Variants in DACH2 observed in about 807,000 individuals in gnomAD.
The protein encoded by DACH2 is dachshund homolog 2.
DACH2 carries 17 observed loss-of-function variants against 35.8 expected under a neutral mutation model. The ratio of observed to expected loss-of-function variants is 0.48; its 90% CI spans 0.33 to 0.71. The LOEUF (loss-of-function observed/expected upper bound fraction) is 0.71. Among genes scored for constraint, DACH2 ranks in the 30% least tolerant of loss-of-function variants. The probability of loss-of-function intolerance (pLI) is 0.02; values close to 1 mark genes in which losing one functional copy is unlikely to be tolerated. For missense variants in DACH2, 469 were observed against 472.7 expected, an observed-to-expected ratio of 0.99 and a Z score of 0.07; for synonymous variants, 195 against 177.3, an observed-to-expected ratio of 1.10 and a Z score of -0.79.
intron 1 of DACH2, among the ~76,000 whole-genome samples, chrX:86,225,644 G>C (rs963015328): frequency 9.0e-6 from 1 of 111,008 alleles, no homozygotes; most frequent in Non-Finnish European, 1.9e-5. Flanking sequence ...AAGGGAGAGG[G>C]AGGGAGTGTT....
intron 2 of DACH2, among the ~76,000 whole-genome samples, chrX:86,395,400 A>C (rs964859373): frequency 3.6e-5 from 4 of 110,632 alleles, no homozygotes; most frequent in Non-Finnish European, 7.6e-5. Flanking sequence ...TTTTATTATT[A>C]TTATACTTTA....
chrX:86,257,058 T>C (rs2033534163), intron 1 of DACH2, among the ~76,000 whole-genome samples: 1 of 111,999 alleles, frequency 8.9e-6, no homozygotes, highest in Non-Finnish European at 1.9e-5. Flanking sequence ...TTTTTTTCAC[T>C]TAACATTGTA....
intron 3 of DACH2, among the ~76,000 whole-genome samples, chrX:86,617,770 A>C (rs1191297532): frequency 8.9e-6 from 1 of 112,014 alleles, no homozygotes; most frequent in Non-Finnish European, 1.9e-5. Context: ...TTTTAAATCC[A>C]ATTTTGAGCA....
intron 2 of DACH2, among the ~76,000 whole-genome samples, chrX:86,418,000 C>A (rs999734710): frequency 9.0e-6 from 1 of 111,580 alleles, no homozygotes. Flanking sequence ...GGACTCTAGG[C>A]TCCATGCAAG....
rs35508189 is a variant in DACH2, at chrX:86,575,527, CT to C, written c.640+61141del. ...ATGAATTTTATGTGGTGCTCCTAAC[CT>C]TTTTAAAAATTCTCTGGAACTCCAT... On this transcript the variant is annotated intron_variant, in intron 3 of 11. Coordinates refer to ENST00000373125, the MANE Select transcript of DACH2 (RefSeq NM_053281.3). 1.3e-3 allele frequency among the ~76,000 whole-genome samples: 150 copies of C among 111,595 alleles called. 1 individual carries two copies. The highest frequency in any genetic ancestry group is 4.5e-3 in the African/African-American group (140 of 30,824).
chrX:86,168,322 G>A (rs2031011049), intron 1 of DACH2, among the ~76,000 whole-genome samples: 1 of 110,981 alleles, frequency 9.0e-6, no homozygotes, highest in Admixed American at 9.6e-5. Flanking sequence ...ATTTTGTCTT[G>A]AGATTTATTT....
At chrX:86,433,126 A>AGTT (rs2037011723) in intron 2 of DACH2, among the ~76,000 whole-genome samples, 2 of 111,988 alleles carry the variant, frequency 1.8e-5, no homozygotes, top group Non-Finnish European at 3.8e-5. Context: ...ATAATTAAAG[A>AGTT]GTTTAGTTTT....
intron 2 of DACH2, among the ~76,000 whole-genome samples, chrX:86,409,285 C>A (rs2036572989): frequency 9.0e-6 from 1 of 111,292 alleles, no homozygotes; most frequent in South Asian, 3.8e-4. Flanking sequence ...AGTGACGATC[C>A]ATAAGTAAAG....
intron 1 of DACH2, among the ~76,000 whole-genome samples, chrX:86,198,311 T>C (rs897656654): frequency 3.6e-5 from 4 of 111,528 alleles, no homozygotes; most frequent in African/African-American, 3.3e-5. Flanking sequence ...ATCAAAAAGT[T>C]AGAAAGATCT....
chrX:86,778,902 C>T (rs977063659), intron 7 of DACH2, among the ~76,000 whole-genome samples: 4 of 111,613 alleles, frequency 3.6e-5, no homozygotes, highest in African/African-American at 1.3e-4. Context: ...CACCATGCCT[C>T]GCCAATATTT....
intron 2 of DACH2, among the ~76,000 whole-genome samples, chrX:86,384,548 T>C (rs962880716): frequency 3.6e-5 from 4 of 112,276 alleles, no homozygotes; most frequent in African/African-American, 1.3e-4. Flanking sequence ...CACTGAGTTT[T>C]CAATACAAAG....
chrX:86,583,571 A>G (rs745687558), intron 3 of DACH2, among the ~76,000 whole-genome samples: 3 of 108,831 alleles, frequency 2.8e-5, no homozygotes, highest in Non-Finnish European at 3.8e-5. Context: ...TTATTATTAT[A>G]CTTTAAGTTT....
chrX:86,320,458 G>A (rs1479793873), intron 1 of DACH2, among the ~76,000 whole-genome samples: 1 of 112,022 alleles, frequency 8.9e-6, no homozygotes, highest in African/African-American at 3.2e-5. Flanking sequence ...AAAGTGGCTG[G>A]GCTCAGGCAA....
At chrX:86,297,656 C>T (rs1412771874) in intron 1 of DACH2, among the ~76,000 whole-genome samples, 1 of 111,966 alleles carries the variant, frequency 8.9e-6, no homozygotes, top group African/African-American at 3.2e-5. Context: ...TGATAACGCT[C>T]AATGGTCACA....
chrX:86,392,396 TAAAG>T lies in DACH2; in HGVS notation c.527+15539_527+15542del, dbSNP rs1037761278. ...CATAAAATAATCCCAAAGTACTAAA[TAAAG>T]AAAGGGTGATATTGTATGATATATA... On this transcript the variant is annotated intron_variant, in intron 2 of 11. Coordinates refer to ENST00000373125, the MANE Select transcript of DACH2 (RefSeq NM_053281.3). 5.1e-4 allele frequency among the ~76,000 whole-genome samples: 57 copies of T among 111,576 alleles called. 1 individual carries two copies. The highest frequency in any genetic ancestry group is 4.9e-3 in the Admixed American group (51 of 10,471).
intron 1 of DACH2, among the ~76,000 whole-genome samples, chrX:86,244,248 G>T (rs2033230889): frequency 8.9e-6 from 1 of 111,904 alleles, no homozygotes; most frequent in African/African-American, 3.2e-5. Flanking sequence ...TTGAACAGGG[G>T]ACAAAAGCCT....
chrX:86,401,628 T>G (rs1167576518), intron 2 of DACH2, among the ~76,000 whole-genome samples: 1 of 110,298 alleles, frequency 9.1e-6, no homozygotes, highest in Non-Finnish European at 1.9e-5. Flanking sequence ...AGAATATTTA[T>G]TACATTATTC....
Position 86,315,287 on chromosome X carries a change from C to T in DACH2, c.489-61537C>T, listed in dbSNP as rs114847928. 8.6e-3 allele frequency among the ~76,000 whole-genome samples: 959 copies of T among 111,931 alleles called. 7 individuals are homozygous for T. Among genetic ancestry groups the T allele is most frequent in the African/African-American group, 0.029 (888 of 30,849 alleles). On this transcript the variant is annotated intron_variant, in intron 1 of 11. Transcript: ENST00000373125. ...GCACGGTTTACTGAATATTTTAAGCCCGCTATTGAAACCTACTGTTCAGAA... is the reference window on the plus strand; with the variant it reads ...GCACGGTTTACTGAATATTTTAAGCTCGCTATTGAAACCTACTGTTCAGAA...
chrX:86,516,596 C>CT (rs751012398), intron 3 of DACH2, among the ~76,000 whole-genome samples: 117 of 104,046 alleles, frequency 1.1e-3, no homozygotes, highest in Non-Finnish European at 1.7e-3. Flanking sequence ...AACTGAGTTT[C>CT]TTTTTTTTTT....
Sources: gnomAD v4.1 joint callset for allele counts (sites outside exome capture counted in the v4.1 genomes callset) on GRCh38, gnomAD v4.1.1 for gene constraint, MANE v1.5 for transcripts, NCBI Gene and HGNC (gene_info 2026-07-23, HGNC 2026-07-21) for gene names.